KATNA1: variants seen among roughly 807,000 people sequenced by gnomAD.
KATNA1 encodes katanin catalytic subunit A1.
A neutral mutation model predicts 62.6 loss-of-function variants in KATNA1; 42 were observed. The ratio of observed to expected loss-of-function variants is 0.67; its 90% confidence interval spans 0.52 to 0.87. The LOEUF is 0.87. Among genes scored for constraint, KATNA1 ranks in the 40% least tolerant of loss-of-function variants. The pLI, the probability that KATNA1 is intolerant of heterozygous loss-of-function variation, is 0.00. For missense variants in KATNA1, 498 were observed against 612.5 expected (o/e 0.81, Z 1.97); for synonymous variants, 186 against 201.9 (o/e 0.92, Z 0.67).
intron 5 of KATNA1, among the ~76,000 whole-genome samples, chr6:149,604,104 A>C (rs941263147): frequency 1.3e-5 from 2 of 152,210 alleles, no homozygotes; most frequent in African/African-American, 2.4e-5. Context: ...TCAAGTTGAG[A>C]ACCACTGCTC....
At position 149,603,213 on chromosome 6, in the gene KATNA1, C is replaced by T; in HGVS notation, c.729+55G>A. 4.1e-6 allele frequency: 3 copies of T among 725,818 alleles called. No homozygotes were observed. In the Admixed American group the frequency reaches 7.6e-5, roughly 18 times the overall value. 45.0% of individuals were successfully genotyped at this position (725,818 alleles called of 1,614,324 possible). On this transcript the variant is annotated intron_variant, in intron 6 of 10. Coordinates refer to ENST00000367411, the MANE Select transcript of KATNA1 (RefSeq NM_007044.4). ...CCCAATATAGATAAATATTGGCTCT[C>T]TGTATCAACATGCTGCCATTTACTT... is the stretch of plus-strand genomic sequence containing the variant.
intron 7 of KATNA1, 141 bp from the exon 8 acceptor site, chr6:149,598,491 G>A (rs930645070): frequency 2.7e-6 from 2 of 749,870 alleles, no homozygotes; most frequent in South Asian, 1.8e-5. Context: ...GGGAGGGTGA[G>A]GCAGGAGGAT....
At chr6:149,597,672 G>T (rs1439535919) in intron 8 of KATNA1, 31 bp from the exon 9 acceptor site, 8 of 1,597,614 alleles carry the variant, frequency 5.0e-6, no homozygotes, top group Admixed American at 1.7e-5. Context: ...GAGTGAAAAA[G>T]ATATTAAGTT....
intron 5 of KATNA1, among the ~76,000 whole-genome samples, chr6:149,603,953 A>G (rs1480391679): frequency 6.6e-6 from 1 of 152,198 alleles, no homozygotes; most frequent in Non-Finnish European, 1.5e-5. Flanking sequence ...AATGTCCCCA[A>G]TATTTTTTAA....
chr6:149,626,381 G>C (rs1397334909), intron 3 of KATNA1, among the ~76,000 whole-genome samples: 1 of 130,224 alleles, frequency 7.7e-6, no homozygotes, highest in East Asian at 2.7e-4. Flanking sequence ...TGCAAGCTCC[G>C]CCTTCCGGGT....
chr6:149,612,638 C>T (rs1779005206), intron 4 of KATNA1, among the ~76,000 whole-genome samples: 1 of 151,714 alleles, frequency 6.6e-6, no homozygotes, highest in Non-Finnish European at 1.5e-5. Flanking sequence ...AAGACAGTTC[C>T]AAAAAACAAA....
In KATNA1 at chr6:149,648,548, G is replaced by A. The variant is rs1371191382; in HGVS notation, c.-93C>T. ...GCGGAGTGGAGATCCCGGCAGCGAG[G>A]AAGGAGGGCCTGACCCAGTCCAGCC... On this transcript the variant is annotated 5_prime_UTR_variant, in exon 1 of 11. Coordinates refer to ENST00000367411, the MANE Select transcript of KATNA1 (RefSeq NM_007044.4). The A allele has an allele frequency of 1.3e-5, 2 of 152,294 alleles. No individual in the cohort carries two copies. The highest frequency in any genetic ancestry group is 4.8e-5 in the African/African-American group (2 of 41,394). The allele number at this position is 152,294 out of a possible 1,614,324, so 9.4% of individuals were successfully genotyped here.
At chr6:149,623,358 A>T in intron 3 of KATNA1, 75 bp from the exon 4 acceptor site, 1 of 1,112,958 alleles carries the variant, frequency 9.0e-7, no homozygotes, top group Non-Finnish European at 1.2e-6. Flanking sequence ...GTAAGTTAAG[A>T]GTCTATGAAC....
rs746393283 is a variant in KATNA1 at position 149,603,364 on chromosome 6, G to A, written c.633C>T (p.Ile211=). The A allele has an allele frequency of 3.9e-6, 6 of 1,542,070 alleles. No homozygotes were observed. The highest frequency in any genetic ancestry group is 2.3e-5 in the South Asian group (2 of 87,926). Residue 211 remains isoleucine (I), a synonymous_variant, in exon 6 of 11, where the codon ATC becomes ATT. Coordinates refer to ENST00000367411, the MANE Select transcript of KATNA1 (RefSeq NM_007044.4). ...SQNPNVRWDD[I]ADLVEAKKLL... ...ACTTTTTAGCTTCTACTAAATCAGCGATATCATCCCTGAAAGAGAAGACAT... is the reference window on the plus strand; with the variant it reads ...ACTTTTTAGCTTCTACTAAATCAGCAATATCATCCCTGAAAGAGAAGACAT...
intron 1 of KATNA1, among the ~76,000 whole-genome samples, chr6:149,647,085 A>G (rs895777838): frequency 7.9e-5 from 12 of 152,102 alleles, no homozygotes; most frequent in Non-Finnish European, 5.9e-5. Context: ...AACCAACGCT[A>G]TAAAGAAGCT....
chr6:149,604,210 G>T (rs776561033), intron 5 of KATNA1, among the ~76,000 whole-genome samples: 4 of 152,162 alleles, frequency 2.6e-5, no homozygotes, highest in Non-Finnish European at 5.9e-5. Flanking sequence ...AAAGGCTCAT[G>T]ACTGTAATCC....
At chr6:149,615,730 A>G (rs1456494942) in intron 4 of KATNA1, among the ~76,000 whole-genome samples, 1 of 152,152 alleles carries the variant, frequency 6.6e-6, no homozygotes, top group Non-Finnish European at 1.5e-5. Context: ...GCTTTAGTGC[A>G]TTATGATATA....
chr6:149,632,664 C>A, intron 3 of KATNA1, 95 bp downstream of exon 3: 1 of 1,025,090 alleles, frequency 9.8e-7, no homozygotes, highest in South Asian at 1.9e-5. Flanking sequence ...AACTCCCTCC[C>A]ATTCCTGTCT....
chr6:149,601,029 C>T lies in KATNA1; in HGVS notation c.888+565G>A, dbSNP rs185316680. Among the ~76,000 whole-genome samples the T allele has an allele frequency of 4.1e-4, 63 of 152,272 alleles. 1 individual carries two copies. The highest frequency in any genetic ancestry group is 2.9e-3 in the South Asian group (14 of 4,826). ...CTCTGTTTCTTAGAGGCAAGAGTGA[C>T]GTAATCAGTGAAGCTTAACAAAGTC... is the stretch of plus-strand genomic sequence containing the variant. On this transcript the variant is annotated intron_variant, in intron 7 of 10. Coordinates refer to ENST00000367411, the MANE Select transcript of KATNA1 (RefSeq NM_007044.4).
rs1158662153 is a variant in KATNA1, at chr6:149,597,655, A to C, written c.1016-14T>G. The C allele has an allele frequency of 3.7e-6, 6 of 1,607,050 alleles. No homozygotes were observed. Among genetic ancestry groups the C allele is most frequent in the Middle Eastern group, 1.7e-4 (1 of 6,054 alleles). On this transcript the variant is annotated splice_polypyrimidine_tract_variant and intron_variant, in intron 8 of 10. Coordinates refer to ENST00000367411, the MANE Select transcript of KATNA1 (RefSeq NM_007044.4). ...TACCTCCAACACCTAAAATAAGGGT[A>C]AGGGGAGAGTGAAAAAGATATTAAG...
At chr6:149,606,000 T>C (rs1401370630) in intron 4 of KATNA1, among the ~76,000 whole-genome samples, 1 of 152,132 alleles carries the variant, frequency 6.6e-6, no homozygotes, top group African/African-American at 2.4e-5. Context: ...CCTCAAGTGA[T>C]CCGCCCACCT....
rs1213565802 is a variant in KATNA1 at position 149,599,659 on chromosome 6, A to G, written c.889-1309T>C. 2.0e-5 allele frequency among the ~76,000 whole-genome samples: 3 copies of G among 151,948 alleles called. 1 individual carries two copies. The highest frequency in any genetic ancestry group is 2.0e-4 in the Admixed American group (3 of 15,250). ...CAGCCTCCCAAGTAGCTGGGATTAC[A>G]GGTGCACGCCACCACACCTGGCTAA... is the stretch of plus-strand genomic sequence containing the variant. On this transcript the variant is annotated intron_variant, in intron 7 of 10. Coordinates refer to ENST00000367411, the MANE Select transcript of KATNA1 (RefSeq NM_007044.4).
At position 149,617,577 on chromosome 6, in the gene KATNA1, G is replaced by A. The variant is rs1457511261; in HGVS notation, c.501+5526C>T. ...AACACTTTGGGAGGCCGAGGCGGGC[G>A]GATCACGAGGTCAAGAGATCGAGAC... On this transcript the variant is annotated intron_variant, in intron 4 of 10. Coordinates refer to ENST00000367411, the MANE Select transcript of KATNA1 (RefSeq NM_007044.4). Among the ~76,000 whole-genome samples the A allele has an allele frequency of 9.5e-4, 144 of 152,218 alleles. 3 individuals are homozygous for A. The highest frequency in any genetic ancestry group is 3.5e-4 in the Non-Finnish European group (24 of 68,006).
At chr6:149,645,718 T>C (rs995129678) in intron 1 of KATNA1, among the ~76,000 whole-genome samples, 5 of 152,156 alleles carry the variant, frequency 3.3e-5, no homozygotes, top group Non-Finnish European at 5.9e-5. Flanking sequence ...ATGAGTTAGC[T>C]AATGACTAAA....
Sources: gnomAD v4.1 joint callset for allele counts (sites outside exome capture counted in the v4.1 genomes callset) on GRCh38, gnomAD v4.1.1 for gene constraint, MANE v1.5 for transcripts, NCBI Gene and HGNC (gene_info 2026-07-23, HGNC 2026-07-21) for gene names.